The following UTRN variants were observed in gnomAD, a reference collection of about 807,000 sequenced individuals.
UTRN encodes dystrophin-related protein 1.
Under a neutral mutation model 463.9 loss-of-function variants are expected in UTRN, and 283 were observed. That is an observed-to-expected ratio of 0.61 (90% CI 0.55 to 0.67). UTRN has a LOEUF of 0.67. Ranked by LOEUF, UTRN falls within the 30% of genes least tolerant of loss-of-function variation. UTRN has a pLI of 0.00. For missense variants in UTRN, 3,922 were observed against 4,084.3 expected (o/e 0.96, Z 1.08); for synonymous variants, 1,442 against 1,431.5 (o/e 1.01, Z -0.17).
At chr6:144,380,447 T>C (rs1011368547) in intron 2 of UTRN, among the ~76,000 whole-genome samples, 7 of 152,240 alleles carry the variant, frequency 4.6e-5, no homozygotes, top group Non-Finnish European at 7.4e-5. Flanking sequence ...GGAAATTGCT[T>C]TTGTAATAAA....
At chr6:144,785,397 C>T (rs2128740493) in intron 61 of UTRN, among the ~76,000 whole-genome samples, 1 of 152,326 alleles carries the variant, frequency 6.6e-6, no homozygotes, top group South Asian at 2.1e-4. Flanking sequence ...TTTCTCTTTA[C>T]TAATTGAAAA....
intron 65 of UTRN, 25 bp from the exon 66 acceptor site, chr6:144,820,857 A>G: frequency 3.8e-6 from 6 of 1,599,192 alleles, no homozygotes; most frequent in Non-Finnish European, 5.1e-6. Flanking sequence ...TACTGAGAGA[A>G]GTGTAATTGT....
chr6:144,538,907 G>GT (rs1403480740), intron 44 of UTRN, among the ~76,000 whole-genome samples: 9 of 152,118 alleles, frequency 5.9e-5, no homozygotes, highest in African/African-American at 9.7e-5. Flanking sequence ...AATTTCAGTG[G>GT]TTTTTTTGGG....
intron 17 of UTRN, among the ~76,000 whole-genome samples, chr6:144,450,482 T>G (rs1788159943): frequency 6.6e-6 from 1 of 152,220 alleles, no homozygotes; most frequent in Non-Finnish European, 1.5e-5. Flanking sequence ...TAGGAAGCCA[T>G]CCATGCCCCA....
chr6:144,675,425 C>T (rs562836929), intron 51 of UTRN, among the ~76,000 whole-genome samples: 44 of 152,284 alleles, frequency 2.9e-4, no homozygotes, highest in Admixed American at 4.6e-4. Context: ...CTGGTTTTCT[C>T]GAATGCCAGT....
intron 52 of UTRN, among the ~76,000 whole-genome samples, chr6:144,689,320 G>A (rs1023315612): frequency 3.3e-5 from 5 of 152,130 alleles, no homozygotes; most frequent in Non-Finnish European, 4.4e-5. Flanking sequence ...GACCCTTCAG[G>A]AGCACCAGGG....
rs370435884 is a variant in UTRN at position 144,473,723 on chromosome 6, G to A, written c.3070G>A (p.Asp1024Asn). 84 of 1,613,730 alleles carry A rather than the reference G, an allele frequency of 5.2e-5. No individual in the cohort carries two copies. The African/African-American group carries it at 8.1e-4, about 16-fold the overall frequency. Residue 1024 changes from aspartate (D) to asparagine (N), a missense_variant, in exon 24 of 75, where the codon GAT (aspartate) becomes AAT (asparagine). By Grantham distance (23) the Asp-to-Asn change is conservative. Around this residue, in one of 3 missense-constraint regions of UTRN, gnomAD observed 2,349 missense variants for 2,303.8 expected, o/e 1.02. Coordinates refer to ENST00000367545, the MANE Select transcript of UTRN (RefSeq NM_007124.3). Reference sequence around the variant, plus strand: ...CTCTGTTATCATGTTCGATTAGGCCGATTCAACAGTCATTGAGAAGTGGAT... The same window carrying A: ...CTCTGTTATCATGTTCGATTAGGCCAATTCAACAGTCATTGAGAAGTGGAT... ...IALTLRAFEA[D>N]STVIEKWMDG...
At chr6:144,733,562 A>T (rs961375649) in intron 54 of UTRN, among the ~76,000 whole-genome samples, 5 of 151,764 alleles carry the variant, frequency 3.3e-5, no homozygotes, top group Non-Finnish European at 7.4e-5. Context: ...TTTTCAACAA[A>T]TTTTTTACTA....
rs145644134 is a variant in UTRN, at chr6:144,782,030, C to T, written c.8741C>T (p.Thr2914Ile). 7.0e-5 allele frequency: 113 copies of T among 1,614,050 alleles called. No individual in the cohort carries two copies. In the African/African-American group the frequency reaches 1.4e-3, roughly 21 times the overall value. Residue 2914 changes from threonine (T) to isoleucine (I), a missense_variant, in exon 61 of 75, where the codon ACT becomes ATT. Physicochemically the swap from Thr to Ile is moderately conservative, Grantham distance 89. Around this residue, in one of 3 missense-constraint regions of UTRN, gnomAD observed 1,309 missense variants for 1,452.6 expected, o/e 0.90. Transcript: ENST00000367545. ...GATGTCATCAACTGTCTGACAACAA[C>T]TTATGATGGACTTGAGCAAATGCAT... ...VPDVINCLTTTYDGLEQMHKD... is the reference protein window; with the variant it reads ...VPDVINCLTTIYDGLEQMHKD...
At chr6:144,446,258 C>T (rs895311025) in intron 14 of UTRN, among the ~76,000 whole-genome samples, 6 of 152,102 alleles carry the variant, frequency 3.9e-5, no homozygotes, top group Non-Finnish European at 7.4e-5. Flanking sequence ...GACATTTTAA[C>T]TATACCTTTT....
intron 61 of UTRN, among the ~76,000 whole-genome samples, chr6:144,783,749 A>G (rs1005026969): frequency 6.6e-6 from 1 of 152,180 alleles, no homozygotes; most frequent in Non-Finnish European, 1.5e-5. Flanking sequence ...TTTTTTAATT[A>G]GAGAAGTATT....
intron 3 of UTRN, among the ~76,000 whole-genome samples, chr6:144,411,683 T>C (rs1307900902): frequency 1.3e-5 from 2 of 152,202 alleles, no homozygotes; most frequent in African/African-American, 4.8e-5. Flanking sequence ...CATTTACTGA[T>C]TCGGAGTGTT....
intron 52 of UTRN, among the ~76,000 whole-genome samples, chr6:144,694,536 G>A (rs1783778752): frequency 6.6e-6 from 1 of 151,972 alleles, no homozygotes; most frequent in African/African-American, 2.4e-5. Context: ...TTTTTTGGGT[G>A]GTAAGCTATT....
intron 53 of UTRN, among the ~76,000 whole-genome samples, chr6:144,712,031 C>T (rs1785770899): frequency 1.3e-5 from 2 of 152,154 alleles, no homozygotes; most frequent in South Asian, 2.1e-4. Flanking sequence ...CTAAAGTAAT[C>T]GGAGACTCTG....
chr6:144,542,767 TCTC>T (rs1562549579), intron 45 of UTRN, 25 bp from the exon 46 acceptor site: 1 of 1,603,682 alleles, frequency 6.2e-7, no homozygotes. Context: ...GTAGTATTCT[TCTC>T]TTTCTGTTTG....
chr6:144,312,924 A>AG (rs769913440), intron 2 of UTRN, among the ~76,000 whole-genome samples: 6 of 152,236 alleles, frequency 3.9e-5, no homozygotes, highest in Non-Finnish European at 5.9e-5. Flanking sequence ...GAGAGGCTCC[A>AG]GGGGTGTACC....
At chr6:144,402,271 C>G (rs1435129304) in intron 2 of UTRN, among the ~76,000 whole-genome samples, 1 of 152,122 alleles carries the variant, frequency 6.6e-6, no homozygotes, top group Non-Finnish European at 1.5e-5. Flanking sequence ...TTATTTATCC[C>G]CATTTTACAG....
Position 144,533,249 on chromosome 6 carries a change from T to A in UTRN, c.6222T>A (p.Asp2074Glu), listed in dbSNP as rs767492735. 2 of 1,613,920 alleles carry A rather than the reference T, an allele frequency of 1.2e-6. No individual in the cohort carries two copies. Among genetic ancestry groups the A allele is most frequent in the African/African-American group, 2.7e-5 (2 of 74,936 alleles). The change falls in exon 43 of 75, where the codon GAT becomes GAA. Residue 2074 changes from aspartate to glutamate, a missense_variant. Around this residue, in one of 3 missense-constraint regions of UTRN, gnomAD observed 2,349 missense variants for 2,303.8 expected, o/e 1.02. Transcript: ENST00000367545. Reference protein sequence around the residue: ...RWDAIVAEVKDRQPRLKGESK... With the variant: ...RWDAIVAEVKERQPRLKGESK... The stretch of plus-strand genomic sequence containing the variant: ...ATGCAATTGTTGCAGAAGTGAAGGA[T>A]AGGCAGCCAAGGTGATTTAGCTATG...
chr6:144,313,869 C>G (rs1220250015), intron 2 of UTRN, among the ~76,000 whole-genome samples: 1 of 152,180 alleles, frequency 6.6e-6, no homozygotes, highest in African/African-American at 2.4e-5. Context: ...GGTGATGCTA[C>G]AAAGAGAATG....
Sources: allele counts gnomAD v4.1 joint callset (sites outside exome capture counted in the v4.1 genomes callset), GRCh38; gene constraint gnomAD v4.1.1; regional missense constraint gnomAD v4.1.1; transcripts MANE v1.5; gene names NCBI Gene and HGNC (gene_info 2026-07-23, HGNC 2026-07-21).